The following FHOD3 variants were observed in gnomAD, a reference collection of about 807,000 sequenced individuals.
The protein encoded by FHOD3 is FH1/FH2 domain-containing protein 3.
Under a neutral mutation model 173.0 loss-of-function variants are expected in FHOD3, and 90 were observed. That is an observed-to-expected ratio of 0.52 (90% CI 0.44 to 0.62). The LOEUF is 0.62. Ranked by LOEUF, FHOD3 falls within the 20% of genes least tolerant of loss-of-function variation. FHOD3 has a pLI of 0.00. For missense variants in FHOD3, 1,945 were observed against 2,034.7 expected (o/e 0.96, Z 0.85); for synonymous variants, 828 against 823.0 (o/e 1.01, Z -0.10).
At chr18:36,409,351 A>G (rs1425111272) in intron 3 of FHOD3, among the ~76,000 whole-genome samples, 1 of 152,198 alleles carries the variant, frequency 6.6e-6, no homozygotes. Flanking sequence ...GAAGCTCTTC[A>G]TCCATGCTGT....
chr18:36,689,064 A>G (rs1443336942), intron 16 of FHOD3, among the ~76,000 whole-genome samples: 11 of 152,164 alleles, frequency 7.2e-5, no homozygotes, highest in Admixed American at 7.2e-4. Flanking sequence ...GGAAGCAGGC[A>G]CGCATTTTCC....
intron 3 of FHOD3, among the ~76,000 whole-genome samples, chr18:36,417,625 A>G (rs764640752): frequency 6.6e-6 from 1 of 152,182 alleles, no homozygotes; most frequent in Non-Finnish European, 1.5e-5. Flanking sequence ...CAGAATATAT[A>G]TATGTGGCTT....
chr18:36,495,080 C>T (rs2054670675), intron 3 of FHOD3, among the ~76,000 whole-genome samples: 1 of 152,028 alleles, frequency 6.6e-6, no homozygotes. Flanking sequence ...GTAGCTGGGG[C>T]TGTAGGCCAC....
chr18:36,596,321 A>ATTAATT (rs542045571), intron 7 of FHOD3, among the ~76,000 whole-genome samples: 2 of 57,480 alleles, frequency 3.5e-5, no homozygotes, highest in African/African-American at 7.7e-5. Flanking sequence ...TGCCCAGCTA[A>ATTAATT]TTTTTTTTTT....
chr18:36,776,006 TGAG>T (rs1210803305), intron 28 of FHOD3, among the ~76,000 whole-genome samples: 1 of 152,002 alleles, frequency 6.6e-6, no homozygotes, highest in Non-Finnish European at 1.5e-5. Flanking sequence ...GAAGTGGAAA[TGAG>T]GAGTCGGGAG....
chr18:36,747,076 G>T lies in FHOD3; in HGVS notation c.4173G>T (p.Leu1391=). 6.2e-7 allele frequency: 1 copy of T among 1,614,088 alleles called. No homozygotes were observed. The highest frequency in any genetic ancestry group is 8.5e-7 in the Non-Finnish European group (1 of 1,180,006). Reference sequence around the variant, plus strand: ...TAAAACAACGGATGTCAGAGTTCCTGAAAGACTGTGCAGAGCGAATTATAA... The same window carrying T: ...TAAAACAACGGATGTCAGAGTTCCTTAAAGACTGTGCAGAGCGAATTATAA... ...PVLKQRMSEF[L]KDCAERIIIL... is the part of the protein sequence containing the mutation. The change falls in exon 24 of 29, where the codon CTG becomes CTT. Residue 1391 remains leucine (L), a synonymous_variant. Transcript: ENST00000590592.
intron 4 of FHOD3, among the ~76,000 whole-genome samples, chr18:36,504,088 T>C (rs1443449617): frequency 6.6e-6 from 1 of 152,160 alleles, no homozygotes; most frequent in Admixed American, 6.5e-5. Context: ...GCTTGGCTAA[T>C]TTTTATATTT....
intron 14 of FHOD3, among the ~76,000 whole-genome samples, chr18:36,673,796 T>C (rs1177650854): frequency 1.3e-5 from 2 of 152,166 alleles, no homozygotes; most frequent in African/African-American, 4.8e-5. Context: ...TCCATTCCAT[T>C]GCTTCACGGA....
At position 36,658,199 on chromosome 18, in the gene FHOD3, C is replaced by G. The variant is rs751551115; in HGVS notation, c.1835+11C>G. 6.4e-7 allele frequency: 1 copy of G among 1,555,272 alleles called. No homozygotes were observed. Among genetic ancestry groups the G allele is most frequent in the South Asian group, 1.2e-5 (1 of 85,776 alleles). ...GGCCAGGTTGGAAAGGTGAGTTCGA[C>G]AAGCACGCTGATAGCTTCACAGTCC... On this transcript the variant is annotated intron_variant, in intron 14 of 28. Transcript: ENST00000590592.
intron 9 of FHOD3, among the ~76,000 whole-genome samples, chr18:36,623,710 C>T (rs558502265): frequency 2.0e-5 from 3 of 152,168 alleles, no homozygotes; most frequent in Non-Finnish European, 4.4e-5. Context: ...GTTAAATTAT[C>T]GTCACCTATG....
chr18:36,553,143 C>G (rs2057730656), intron 5 of FHOD3, among the ~76,000 whole-genome samples: 1 of 152,140 alleles, frequency 6.6e-6, no homozygotes, highest in South Asian at 2.1e-4. Flanking sequence ...ATATGTTGAA[C>G]CAGCCTTGCA....
chr18:36,455,551 C>T lies in FHOD3; in HGVS notation c.338-46381C>T, dbSNP rs547871817. Reference sequence around the variant, plus strand: ...ATTTATTTTCCATTTAGACAGATGTCGGCAATGTTCATTAAACCTTTAATT... The same window carrying T: ...ATTTATTTTCCATTTAGACAGATGTTGGCAATGTTCATTAAACCTTTAATT... On this transcript the variant is annotated intron_variant, in intron 3 of 28. Coordinates refer to ENST00000590592, the MANE Select transcript of FHOD3 (RefSeq NM_001281740.3). Among the ~76,000 whole-genome samples the T allele has an allele frequency of 1.7e-3, 253 of 146,572 alleles. 2 individuals carry two copies. Among genetic ancestry groups the T allele is most frequent in the African/African-American group, 6.1e-3 (238 of 38,874 alleles).
intron 3 of FHOD3, among the ~76,000 whole-genome samples, chr18:36,479,527 A>G (rs1390433480): frequency 6.6e-6 from 1 of 152,168 alleles, no homozygotes; most frequent in Non-Finnish European, 1.5e-5. Flanking sequence ...ATTGCCTTGC[A>G]TCTGTCCTAA....
chr18:36,554,712 C>T (rs549463861), intron 5 of FHOD3, among the ~76,000 whole-genome samples: 4 of 152,282 alleles, frequency 2.6e-5, no homozygotes, highest in Non-Finnish European at 4.4e-5. Context: ...CTAGTCCTAG[C>T]GATCCCTTTC....
At chr18:36,603,661 G>A (rs2031700687) in intron 8 of FHOD3, among the ~76,000 whole-genome samples, 1 of 152,046 alleles carries the variant, frequency 6.6e-6, no homozygotes, top group African/African-American at 2.4e-5. Flanking sequence ...GTGCCACCAT[G>A]CCTGGCTAAT....
At chr18:36,682,199 C>T (rs1407190431) in intron 15 of FHOD3, among the ~76,000 whole-genome samples, 1 of 152,178 alleles carries the variant, frequency 6.6e-6, no homozygotes, top group Non-Finnish European at 1.5e-5. Flanking sequence ...GCCAGTCCAC[C>T]TGTTCTCCAC....
intron 19 of FHOD3, 137 bp downstream of exon 19, chr18:36,718,852 A>G: frequency 6.4e-6 from 9 of 1,416,392 alleles, no homozygotes; most frequent in Middle Eastern, 2.6e-4. Flanking sequence ...GATCTTTAAT[A>G]TAGTGTTCCT....
chr18:36,341,902 A>G (rs530445773), intron 1 of FHOD3, among the ~76,000 whole-genome samples: 66 of 152,354 alleles, frequency 4.3e-4, no homozygotes, highest in African/African-American at 1.6e-3. Flanking sequence ...ATGACCAAGA[A>G]AAAAAGGCCA....
chr18:36,448,147 C>T (rs2051606743), intron 3 of FHOD3, among the ~76,000 whole-genome samples: 2 of 152,104 alleles, frequency 1.3e-5, no homozygotes, highest in African/African-American at 4.8e-5. Context: ...CTCTAAGCTT[C>T]TTATAATAGG....
Sources: gnomAD v4.1 joint callset for allele counts (sites outside exome capture counted in the v4.1 genomes callset) on GRCh38, gnomAD v4.1.1 for gene constraint, MANE v1.5 for transcripts, NCBI Gene and HGNC (gene_info 2026-07-23, HGNC 2026-07-21) for gene names.